The following PLEKHM3 variants were observed in gnomAD, a reference collection of about 807,000 sequenced individuals.
The protein encoded by PLEKHM3 is pleckstrin homology domain-containing family M member 3.
A neutral mutation model predicts 81.8 loss-of-function variants in PLEKHM3; 45 were observed. That is an observed-to-expected ratio of 0.55 (90% CI 0.43 to 0.71). The LOEUF (loss-of-function observed/expected upper bound fraction) is 0.71. Ranked by LOEUF, PLEKHM3 falls within the 30% of genes least tolerant of loss-of-function variation. The pLI is 0.00. For synonymous variants in PLEKHM3, 352 were observed against 356.4 expected (o/e 0.99, Z 0.14); for missense variants, 788 against 924.3 (o/e 0.85, Z 1.91).
At chr2:207,921,348 C>T (rs1689176741) in intron 5 of PLEKHM3, among the ~76,000 whole-genome samples, 1 of 151,920 alleles carries the variant, frequency 6.6e-6, no homozygotes, top group Non-Finnish European at 1.5e-5. Flanking sequence ...CACCTGGCCT[C>T]TCTTCTTTTA....
chr2:207,825,618 T>C lies in PLEKHM3; in HGVS notation c.*2701A>G, dbSNP rs758327928. On this transcript the variant is annotated 3_prime_UTR_variant, in exon 8 of 8. Coordinates refer to ENST00000427836, the MANE Select transcript of PLEKHM3 (RefSeq NM_001080475.3). ...GTATTCTGGGCTGAAAACAGCAATT[T>C]TGAATTTTCATGGCAGACCCAACTC... The C allele has an allele frequency of 1.2e-4, 18 of 152,152 alleles. No homozygotes were observed. Among genetic ancestry groups the C allele is most frequent in the Admixed American group, 3.3e-4 (5 of 15,270 alleles). The allele number at this position is 152,152 out of a possible 1,614,324, so 9.4% of individuals were successfully genotyped here. A position where few individuals can be genotyped will look rare whatever the true frequency, so the allele number is the denominator to read the frequency against.
At chr2:207,949,761 C>T (rs112544739) in intron 3 of PLEKHM3, among the ~76,000 whole-genome samples, 2 of 152,108 alleles carry the variant, frequency 1.3e-5, no homozygotes, top group African/African-American at 2.4e-5. Context: ...AGTTTAAATT[C>T]TCACCAAAGA....
chr2:207,893,685 GAA>G lies in PLEKHM3; in HGVS notation c.1950+14827_1950+14828del, dbSNP rs547895389. Among the ~76,000 whole-genome samples, 499 of 152,200 alleles carry G rather than the reference GAA, an allele frequency of 3.3e-3. 6 individuals carry two copies. The highest frequency in any genetic ancestry group is 0.011 in the African/African-American group (476 of 41,520). ...TATATATGCATGACAGAGAGAGAGAGAAAGAGAGAAGCTCTCTCTCAAAAGTC... is the reference window on the plus strand; with the variant it reads ...TATATATGCATGACAGAGAGAGAGAGAGAGAGAAGCTCTCTCTCAAAAGTC... On this transcript the variant is annotated intron_variant, in intron 6 of 7. Transcript: ENST00000427836.
At chr2:207,836,422 T>C (rs1371548584) in intron 7 of PLEKHM3, among the ~76,000 whole-genome samples, 1 of 152,168 alleles carries the variant, frequency 6.6e-6, no homozygotes, top group East Asian at 1.9e-4. Context: ...AGGAAGAAGT[T>C]CATACCCTAG....
rs1223588512 is a variant in PLEKHM3 at position 207,938,115 on chromosome 2, A to AT, written c.1693-6997dup. On this transcript the variant is annotated intron_variant, in intron 4 of 7. Transcript: ENST00000427836. Reference sequence around the variant, plus strand: ...AATATTCAAGCTAGGATACAAATAAATTTTTTTAAAACAAAACTAAGGGGA... The same window carrying AT: ...AATATTCAAGCTAGGATACAAATAAATTTTTTTTAAAACAAAACTAAGGGGA... Among the ~76,000 whole-genome samples the AT allele has an allele frequency of 9.1e-3, 1,390 of 152,292 alleles. 17 individuals carry two copies. Among genetic ancestry groups the AT allele is most frequent in the African/African-American group, 0.031 (1,296 of 41,554 alleles).
intron 7 of PLEKHM3, among the ~76,000 whole-genome samples, chr2:207,832,578 G>A (rs1035326691): frequency 7.2e-5 from 11 of 151,946 alleles, no homozygotes; most frequent in African/African-American, 2.7e-4. Context: ...GATCACCTGA[G>A]GTCAGGAGTT....
At chr2:207,902,855 C>CACATCCATCCAT (rs1688481873) in intron 6 of PLEKHM3, among the ~76,000 whole-genome samples, 1 of 131,562 alleles carries the variant, frequency 7.6e-6, no homozygotes, top group African/African-American at 3.1e-5. Flanking sequence ...CATCCACCCA[C>CACATCCATCCAT]CCATCCATCC....
intron 3 of PLEKHM3, among the ~76,000 whole-genome samples, chr2:207,975,998 T>C (rs929182400): frequency 2.6e-5 from 4 of 151,900 alleles, no homozygotes; most frequent in East Asian, 1.9e-4. Context: ...AAAATAAGAT[T>C]GTTGACCTCA....
chr2:207,858,249 C>T (rs1471643716), intron 7 of PLEKHM3, among the ~76,000 whole-genome samples: 1 of 150,586 alleles, frequency 6.6e-6, no homozygotes, highest in African/African-American at 2.5e-5. Context: ...TCTTGGCTCA[C>T]TGCAATCTCT....
intron 3 of PLEKHM3, among the ~76,000 whole-genome samples, chr2:207,961,397 C>G (rs1415377559): frequency 6.6e-6 from 1 of 152,138 alleles, no homozygotes; most frequent in African/African-American, 2.4e-5. Context: ...AAGGCACAGT[C>G]CTTGGTACAC....
intron 3 of PLEKHM3, among the ~76,000 whole-genome samples, chr2:207,960,530 A>G (rs1335386574): frequency 6.6e-6 from 1 of 152,226 alleles, no homozygotes; most frequent in Non-Finnish European, 1.5e-5. Context: ...AATATATGTG[A>G]TATTTTAATC....
chr2:207,829,682 C>T (rs1007364917), intron 7 of PLEKHM3, among the ~76,000 whole-genome samples: 2 of 152,160 alleles, frequency 1.3e-5, no homozygotes, highest in Non-Finnish European at 2.9e-5. Flanking sequence ...GGGTAACAGG[C>T]AACTTTTACC....
Position 207,976,678 on chromosome 2 carries a change from G to A in PLEKHM3, c.1519C>T (p.Leu507Phe), listed in dbSNP as rs1247741157. 1.2e-6 allele frequency: 2 copies of A among 1,614,082 alleles called. No homozygotes were observed. The highest frequency in any genetic ancestry group is 1.7e-5 in the Admixed American group (1 of 60,022). ...GCACATTTGAAACTCTGAGCAGTGA[G>A]TCCTCGTTCCAAAGACAAAGTCGTC... The part of the protein sequence containing the change: ...ILTTLSLERG[L>F]TAQSFKCAGC... The change falls in exon 3 of 8, where the codon CTC becomes TTC. Residue 507 changes from leucine (L) to phenylalanine (F), a missense_variant. Transcript: ENST00000427836. This position sits in a 1 kb window ranked among gnomAD's most constrained non-coding sequence, Gnocchi z 4.1.
At chr2:207,828,638 G>A in intron 7 of PLEKHM3, 142 bp from the exon 8 acceptor site, 1 of 755,624 alleles carries the variant, frequency 1.3e-6, no homozygotes, top group East Asian at 2.7e-5. Context: ...ATGACTCACT[G>A]AAATGAACTG....
rs1342743523 is a variant in PLEKHM3, at chr2:207,826,561, T to C, written c.*1758A>G. The C allele has an allele frequency of 1.3e-5, 2 of 152,176 alleles. No homozygotes were observed. The highest frequency in any genetic ancestry group is 2.9e-5 in the Non-Finnish European group (2 of 68,048). 9.4% of individuals were successfully genotyped at this position (152,176 alleles called of 1,614,324 possible). On this transcript the variant is annotated 3_prime_UTR_variant, in exon 8 of 8. Transcript: ENST00000427836. The stretch of plus-strand genomic sequence containing the variant: ...ATGGTGTTGAGCTATTAAGGTGAAA[T>C]GTGTGGCCTGGGGCCAAAGGAACTG...
chr2:207,865,793 AAAAAAAAAAGATATATATAT>A (rs2092493290), intron 6 of PLEKHM3, among the ~76,000 whole-genome samples: 1 of 37,794 alleles, frequency 2.6e-5, no homozygotes, highest in African/African-American at 1.5e-4. Context: ...AAAAAAAAAA[AAAAAAAAAAGATATATATAT>A]ATATATATAT....
intron 7 of PLEKHM3, among the ~76,000 whole-genome samples, chr2:207,838,910 T>A (rs1478001406): frequency 6.6e-6 from 1 of 152,200 alleles, no homozygotes; most frequent in African/African-American, 2.4e-5. Flanking sequence ...TAAAGTAGTT[T>A]AAAATGCCTA....
At chr2:207,938,856 C>T (rs1303606187) in intron 4 of PLEKHM3, among the ~76,000 whole-genome samples, 3 of 152,312 alleles carry the variant, frequency 2.0e-5, no homozygotes, top group African/African-American at 4.8e-5. Flanking sequence ...TCCTGCTTTA[C>T]AGAGAGATTT....
intron 7 of PLEKHM3, among the ~76,000 whole-genome samples, chr2:207,853,182 TG>T (rs1372581674): frequency 6.6e-6 from 1 of 152,168 alleles, no homozygotes; most frequent in Non-Finnish European, 1.5e-5. Context: ...CCTAGCACTT[TG>T]GGAGGCCAAG....
Sources: gnomAD v4.1 joint callset for allele counts (sites outside exome capture counted in the v4.1 genomes callset) on GRCh38, gnomAD v4.1.1 for gene constraint, Gnocchi (gnomAD v3.1) non-coding constraint, MANE v1.5 for transcripts, NCBI Gene and HGNC (gene_info 2026-07-23, HGNC 2026-07-21) for gene names.